ATP11B: variants seen among roughly 807,000 people sequenced by gnomAD.
ATP11B encodes phospholipid-transporting ATPase IF.
A neutral mutation model predicts 157.8 loss-of-function variants in ATP11B; 81 were observed. The observed-to-expected ratio is 0.51, with a 90% confidence interval of 0.43 to 0.62. The LOEUF (loss-of-function observed/expected upper bound fraction) is 0.62, where lower values mean the gene tolerates loss of function less well. ATP11B is among the 20% of genes least tolerant of loss of function. The probability of loss-of-function intolerance (pLI) is 0.00; values close to 1 mark genes in which losing one functional copy is unlikely to be tolerated. For synonymous variants in ATP11B, 451 were observed against 469.4 expected (o/e 0.96, Z 0.51); for missense variants, 1,165 against 1,402.2 (o/e 0.83, Z 2.70).
intron 1 of ATP11B, among the ~76,000 whole-genome samples, chr3:182,805,120 T>G (rs906964994): frequency 3.9e-5 from 6 of 152,230 alleles, no homozygotes; most frequent in African/African-American, 1.4e-4. Context: ...GATGTGTATT[T>G]TCATTTGGGC....
chr3:182,839,749 T>C (rs1718857084), intron 7 of ATP11B, among the ~76,000 whole-genome samples: 1 of 152,084 alleles, frequency 6.6e-6, no homozygotes, highest in Non-Finnish European at 1.5e-5. Flanking sequence ...TAGATAGGAT[T>C]ATATGTGTGT....
At chr3:182,794,512 T>C (rs1430196604) in intron 1 of ATP11B, among the ~76,000 whole-genome samples, 1 of 152,190 alleles carries the variant, frequency 6.6e-6, no homozygotes, top group Non-Finnish European at 1.5e-5. Context: ...ACCTTACTTT[T>C]TTCCCGTTCT....
At chr3:182,887,505 T>C (rs1453790427) in intron 23 of ATP11B, 81 bp from the exon 24 acceptor site, 1 of 1,226,626 alleles carries the variant, frequency 8.2e-7, no homozygotes, top group Non-Finnish European at 1.1e-6. Flanking sequence ...TTAATTTTGT[T>C]TTTAATATGC....
intron 27 of ATP11B, 137 bp downstream of exon 27, chr3:182,897,543 C>T: frequency 3.5e-6 from 2 of 564,030 alleles, no homozygotes; most frequent in East Asian, 6.8e-5. Context: ...GTTGATCTTA[C>T]TGATATGGAG....
At chr3:182,825,134 C>G (rs753760590) in intron 2 of ATP11B, among the ~76,000 whole-genome samples, 5 of 152,182 alleles carry the variant, frequency 3.3e-5, no homozygotes. Flanking sequence ...GAGCTTTTCT[C>G]CTGTCCCTTT....
intron 1 of ATP11B, among the ~76,000 whole-genome samples, chr3:182,812,399 T>A (rs556684687): frequency 2.0e-4 from 31 of 152,204 alleles, no homozygotes; most frequent in Non-Finnish European, 2.6e-4. Flanking sequence ...ACTGCAGCCA[T>A]AAAATTTACT....
At position 182,865,549 on chromosome 3, in the gene ATP11B, A is replaced by C. The variant is rs1192122642; in HGVS notation, c.1294A>C (p.Ile432Leu). The change falls in exon 13 of 30, where the codon ATT becomes CTT. Residue 432 changes from isoleucine to leucine, a missense_variant. Around this residue, in one of 4 missense-constraint regions of ATP11B, gnomAD observed 737 missense variants for 930.5 expected, o/e 0.79. Transcript: ENST00000323116. Reference sequence around the variant, plus strand: ...AATTAATGGCATGAAATACCAAGAAATTAATGGTAGACTTGTACCCGAAGG... The same window carrying C: ...AATTAATGGCATGAAATACCAAGAACTTAATGGTAGACTTGTACCCGAAGG... Reference protein sequence around the residue: ...CSINGMKYQEINGRLVPEGPT... With the variant: ...CSINGMKYQELNGRLVPEGPT... The C allele has an allele frequency of 4.3e-6, 7 of 1,613,882 alleles. No individual in the cohort carries two copies. The highest frequency in any genetic ancestry group is 4.2e-6 in the Non-Finnish European group (5 of 1,179,858).
At chr3:182,808,403 T>C (rs562528442) in intron 1 of ATP11B, among the ~76,000 whole-genome samples, 1 of 152,330 alleles carries the variant, frequency 6.6e-6, no homozygotes, top group East Asian at 1.9e-4. Flanking sequence ...AGGGAATTGA[T>C]GCAGTGCTAA....
chr3:182,870,881 T>TAA (rs1450640839), intron 17 of ATP11B, among the ~76,000 whole-genome samples: 2 of 144,894 alleles, frequency 1.4e-5, no homozygotes, highest in East Asian at 4.1e-4. Context: ...TGAGCCAAGA[T>TAA]CGCACCACTG....
At chr3:182,838,483 C>T (rs1227738154) in intron 7 of ATP11B, among the ~76,000 whole-genome samples, 1 of 151,974 alleles carries the variant, frequency 6.6e-6, no homozygotes, top group Non-Finnish European at 1.5e-5. Context: ...TAAACACTTT[C>T]TCTTATTGGA....
intron 18 of ATP11B, 56 bp downstream of exon 18, chr3:182,872,593 C>G: frequency 7.3e-7 from 1 of 1,371,382 alleles, no homozygotes. Context: ...TTTTTGTAAC[C>G]AAGTATTCTA....
In ATP11B at chr3:182,900,603, A is replaced by G. The variant is rs910825435; in HGVS notation, c.3318+1831A>G. 2.6e-5 allele frequency among the ~76,000 whole-genome samples: 3 copies of G among 117,536 alleles called. No individual in the cohort carries two copies. The South Asian group carries it at 6.9e-4, about 27-fold the overall frequency. The allele number at this position is 117,536 out of a possible 152,430, so 77.1% of individuals were successfully genotyped here. On this transcript the variant is annotated intron_variant, in intron 28 of 29. Transcript: ENST00000323116. ...CTATCTTATTATTCCTAATCTTCTG[A>G]AAAAAAAATTCACAATAAAAGAGTA... is the stretch of plus-strand genomic sequence containing the variant.
intron 29 of ATP11B, chr3:182,914,903 GT>G: frequency 1.0e-6 from 1 of 985,362 alleles, no homozygotes; most frequent in Non-Finnish European, 1.2e-6. Context: ...GCAGTACACG[GT>G]ATGCATGGAG....
chr3:182,855,665 C>T (rs1348392988), intron 10 of ATP11B, among the ~76,000 whole-genome samples: 1 of 152,076 alleles, frequency 6.6e-6, no homozygotes, highest in Non-Finnish European at 1.5e-5. Flanking sequence ...ATAAAGAACT[C>T]TCAAACTCAA....
At chr3:182,805,467 CTTTT>C (rs957226126) in intron 1 of ATP11B, among the ~76,000 whole-genome samples, 1 of 117,054 alleles carries the variant, frequency 8.5e-6, no homozygotes, top group Non-Finnish European at 1.9e-5. Context: ...TTTTTTTTTT[CTTTT>C]GAGACGGAGT....
chr3:182,829,762 A>G lies in ATP11B; in HGVS notation c.315+10A>G. On this transcript the variant is annotated intron_variant, in intron 4 of 29. Transcript: ENST00000323116. ...AACTGCCATAAAGCAGGTATGAAAT[A>G]CTTTCTTTTTTTAATTTTCCTCTAA... 6.3e-7 allele frequency: 1 copy of G among 1,576,038 alleles called. No individual in the cohort carries two copies. The highest frequency in any genetic ancestry group is 1.2e-5 in the South Asian group (1 of 86,048).
intron 12 of ATP11B, among the ~76,000 whole-genome samples, chr3:182,864,887 A>T (rs1031518808): frequency 2.6e-5 from 4 of 152,132 alleles, no homozygotes; most frequent in Admixed American, 6.5e-5. Context: ...AATTTGTCTT[A>T]CTTACTTTTA....
chr3:182,884,976 C>CAAA, intron 22 of ATP11B, 78 bp downstream of exon 22: 1 of 823,852 alleles, frequency 1.2e-6, no homozygotes, highest in Non-Finnish European at 1.8e-6. Context: ...TAACCTTATA[C>CAAA]ATTTCTCTTT....
rs566942194 is a variant in ATP11B at position 182,887,746 on chromosome 3, A to T, written c.2843+33A>T. 9.9e-5 allele frequency: 157 copies of T among 1,582,270 alleles called. No individual in the cohort carries two copies. The African/African-American group carries it at 2.1e-3, about 21-fold the overall frequency. On this transcript the variant is annotated intron_variant, in intron 24 of 29. Coordinates refer to ENST00000323116, the MANE Select transcript of ATP11B (RefSeq NM_014616.3). ...TTTTCTGGTATTAAATGGCCTTATC[A>T]GTTTTTTTAAGTAAAAAATAAGCAG...
Sources: allele counts gnomAD v4.1 joint callset (sites outside exome capture counted in the v4.1 genomes callset), GRCh38; gene constraint gnomAD v4.1.1; regional missense constraint gnomAD v4.1.1; transcripts MANE v1.5; gene names NCBI Gene and HGNC (gene_info 2026-07-23, HGNC 2026-07-21).